TIAM1: variants seen among roughly 807,000 people sequenced by gnomAD.
TIAM1 encodes TIAM Rac1 associated GEF 1.
TIAM1 carries 65 observed loss-of-function variants against 163.5 expected under a neutral mutation model. The observed-to-expected ratio is 0.40, with a 90% CI of 0.33 to 0.49. The LOEUF (loss-of-function observed/expected upper bound fraction) is 0.49, where lower values mean the gene tolerates loss of function less well. Ranked by LOEUF, TIAM1 falls within the 20% of genes least tolerant of loss-of-function variation. TIAM1 has a pLI of 0.77. For missense variants in TIAM1, 1,789 were observed against 2,044.7 expected, an observed-to-expected ratio of 0.87 and a Z score of 2.41; for synonymous variants, 833 against 810.1, an observed-to-expected ratio of 1.03 and a Z score of -0.48.
intron 2 of TIAM1, among the ~76,000 whole-genome samples, chr21:31,394,354 G>A (rs2077016056): frequency 6.6e-6 from 1 of 152,200 alleles, no homozygotes; most frequent in South Asian, 2.1e-4. Flanking sequence ...TGGGGGAAAG[G>A]AGGGATGAAC....
intron 2 of TIAM1, among the ~76,000 whole-genome samples, chr21:31,358,407 G>A (rs779810326): frequency 5.9e-5 from 9 of 152,050 alleles, no homozygotes; most frequent in South Asian, 2.1e-4. Context: ...TCATGACTGC[G>A]AATACTTTCC....
intron 1 of TIAM1, among the ~76,000 whole-genome samples, chr21:31,473,406 GGGGA>G (rs953995661): frequency 1.6e-5 from 2 of 123,182 alleles, no homozygotes; most frequent in African/African-American, 6.2e-5. Context: ...CTCTAGGCTG[GGGGA>G]CAGATCAAGA....
intron 16 of TIAM1, 118 bp downstream of exon 16, chr21:31,164,844 G>A (rs1225601379): frequency 2.0e-6 from 2 of 996,096 alleles, no homozygotes; most frequent in Middle Eastern, 2.1e-4. Context: ...CATCTCAGAA[G>A]CAAAAACACT....
At position 31,193,844 on chromosome 21, in the gene TIAM1, G is replaced by A. The variant is rs941219146; in HGVS notation, c.2575+1380C>T. 7.9e-5 allele frequency among the ~76,000 whole-genome samples: 12 copies of A among 152,128 alleles called. 1 individual carries two copies. Among genetic ancestry groups the A allele is most frequent in the Non-Finnish European group, 1.2e-4 (8 of 68,032 alleles). On this transcript the variant is annotated intron_variant, in intron 13 of 27. Coordinates refer to ENST00000541036, the MANE Select transcript of TIAM1 (RefSeq NM_001353694.2). ...TGGGACTAAGCATGTTCAAAATGGC[G>A]GCTCCATCCTCTCTTCTCTTTGTCA...
chr21:31,359,617 G>A (rs1268491958), intron 2 of TIAM1, among the ~76,000 whole-genome samples: 3 of 151,938 alleles, frequency 2.0e-5, no homozygotes, highest in African/African-American at 7.3e-5. Context: ...GTGAAATCCT[G>A]TCTCTACTAA....
chr21:31,458,407 C>T (rs560605684), intron 2 of TIAM1, among the ~76,000 whole-genome samples: 127 of 150,614 alleles, frequency 8.4e-4, no homozygotes, highest in African/African-American at 2.6e-3. Flanking sequence ...GCAACAAGAG[C>T]GAAACTCCAT....
At chr21:31,503,061 C>T (rs1243459078) in intron 1 of TIAM1, among the ~76,000 whole-genome samples, 3 of 152,138 alleles carry the variant, frequency 2.0e-5, no homozygotes, top group Non-Finnish European at 4.4e-5. Flanking sequence ...GTACCAAGGT[C>T]AAAATTGTCC....
intron 1 of TIAM1, among the ~76,000 whole-genome samples, chr21:31,484,281 C>T (rs2046203776): frequency 6.6e-6 from 1 of 152,218 alleles, no homozygotes; most frequent in South Asian, 2.1e-4. Flanking sequence ...CTGCCTGTCA[C>T]TTTGCGTGTC....
chr21:31,474,841 A>C (rs918027876), intron 1 of TIAM1, among the ~76,000 whole-genome samples: 1 of 151,502 alleles, frequency 6.6e-6, no homozygotes, highest in African/African-American at 2.4e-5. Flanking sequence ...CTCCCAGCCA[A>C]CCTTTAGCCT....
intron 1 of TIAM1, among the ~76,000 whole-genome samples, chr21:31,466,764 T>C (rs1020340254): frequency 6.6e-6 from 1 of 152,160 alleles, no homozygotes; most frequent in South Asian, 2.1e-4. Flanking sequence ...TTCCCGCGTA[T>C]AATTGCGCTT....
chr21:31,477,474 ATTT>A (rs58353334), intron 1 of TIAM1, among the ~76,000 whole-genome samples: 6,029 of 132,162 alleles, frequency 0.046, 127 homozygotes, highest in Middle Eastern at 0.085. Flanking sequence ...AACTAAATGC[ATTT>A]TTTTTTTTTT....
chr21:31,468,188 A>C (rs1296031007), intron 1 of TIAM1, among the ~76,000 whole-genome samples: 1 of 151,972 alleles, frequency 6.6e-6, no homozygotes, highest in African/African-American at 2.4e-5. Context: ...AGAATCCAGA[A>C]GGGTTGGTCA....
At chr21:31,311,168 T>C (rs964274210) in intron 2 of TIAM1, among the ~76,000 whole-genome samples, 1 of 99,838 alleles carries the variant, frequency 1.0e-5, no homozygotes, top group African/African-American at 5.0e-5. Flanking sequence ...TGTTTGTTTG[T>C]TTTGTTTTTT....
rs927551227 is a variant in TIAM1 at position 31,496,871 on chromosome 21, G to A, written c.-421-32836C>T. Reference sequence around the variant, plus strand: ...TTTCCATGGACTGGGGTGGGGGGTCGGGGAGGATGGTTTCAGAATGAAGCT... The same window carrying A: ...TTTCCATGGACTGGGGTGGGGGGTCAGGGAGGATGGTTTCAGAATGAAGCT... On this transcript the variant is annotated intron_variant, in intron 1 of 28. Coordinates refer to the TIAM1 transcript ENST00000286827. 3.9e-5 allele frequency among the ~76,000 whole-genome samples: 6 copies of A among 152,166 alleles called. No homozygotes were observed. The South Asian group carries it at 8.3e-4, about 21-fold the overall frequency.
intron 2 of TIAM1, among the ~76,000 whole-genome samples, chr21:31,367,195 A>G (rs534673556): frequency 6.6e-6 from 1 of 152,146 alleles, no homozygotes; most frequent in Non-Finnish European, 1.5e-5. Flanking sequence ...GAAGGGCACA[A>G]ACAGAGCAAC....
intron 19 of TIAM1, among the ~76,000 whole-genome samples, chr21:31,149,930 G>A (rs1319334059): frequency 6.6e-6 from 1 of 152,126 alleles, no homozygotes; most frequent in South Asian, 2.1e-4. Flanking sequence ...ATATATTATT[G>A]TGCCTACAAC....
At chr21:31,329,782 A>G (rs2075619032) in intron 2 of TIAM1, among the ~76,000 whole-genome samples, 3 of 152,192 alleles carry the variant, frequency 2.0e-5, no homozygotes, top group Non-Finnish European at 4.4e-5. Flanking sequence ...AACTTCAAGA[A>G]GTACTATAGG....
At chr21:31,350,186 G>A (rs2076211599) in intron 2 of TIAM1, among the ~76,000 whole-genome samples, 1 of 152,160 alleles carries the variant, frequency 6.6e-6, no homozygotes, top group South Asian at 2.1e-4. Context: ...AGTCCCTACT[G>A]TGGGGAAGTA....
chr21:31,154,430 C>T lies in TIAM1; in HGVS notation c.2992-4G>A, dbSNP rs144969388. ...ATGCGGCCACCTGTTCTGTACTCTT[C>T]GGAGCACAGGGGGGAAGGGAAGGCA... On this transcript the variant is annotated splice_polypyrimidine_tract_variant and splice_region_variant and intron_variant, in intron 16 of 27. Transcript: ENST00000541036. The T allele has an allele frequency of 2.0e-5, 33 of 1,611,884 alleles. No individual in the cohort carries two copies. The highest frequency in any genetic ancestry group is 3.3e-5 in the Admixed American group (2 of 59,916).
Sources: allele counts gnomAD v4.1 joint callset (sites outside exome capture counted in the v4.1 genomes callset), GRCh38; gene constraint gnomAD v4.1.1; transcripts MANE v1.5; gene names NCBI Gene and HGNC (gene_info 2026-07-23, HGNC 2026-07-21).